The following ATM variants were observed in gnomAD, a reference collection of about 807,000 sequenced individuals.
The protein encoded by ATM is ATM serine/threonine kinase.
In ATM, 308 loss-of-function variants were observed where a neutral mutation model predicts 387.0. The ratio of observed to expected loss-of-function variants is 0.80; its 90% confidence interval spans 0.73 to 0.87. ATM has a LOEUF of 0.87. ATM is among the 40% of genes least tolerant of loss of function. ATM has a pLI of 0.00. For missense variants in ATM, 3,312 were observed against 3,560.9 expected (o/e 0.93, Z 1.78); for synonymous variants, 1,156 against 1,187.3 (o/e 0.97, Z 0.54).
At position 108,327,507 on chromosome 11, in the gene ATM, G is replaced by A. The variant is rs1362993757; in HGVS notation, c.6976-138G>A. ...TTATTAAAATAGTTGTATGGCAAAA[G>A]CAGATGAGGAAAAACTTTTTTTTTC... On this transcript the variant is annotated intron_variant, in intron 47 of 62. Transcript: ENST00000675843. The A allele has an allele frequency of 9.1e-6, 6 of 660,090 alleles. No homozygotes were observed. In the East Asian group the frequency reaches 1.4e-4, roughly 16 times the overall value. 40.9% of individuals were successfully genotyped at this position (660,090 alleles called of 1,614,324 possible). A position where few individuals can be genotyped will look rare whatever the true frequency, so the allele number is the denominator to read the frequency against.
chr11:108,305,879 A>T (rs2083665339), intron 37 of ATM, among the ~76,000 whole-genome samples: 1 of 152,148 alleles, frequency 6.6e-6, no homozygotes, highest in South Asian at 2.1e-4. Context: ...AACTGTCTTT[A>T]TTATATATTA....
intron 44 of ATM, among the ~76,000 whole-genome samples, chr11:108,320,799 C>T (rs1425021107): frequency 2.0e-5 from 3 of 152,170 alleles, no homozygotes; most frequent in Non-Finnish European, 2.9e-5. Context: ...TACTTTGACT[C>T]CTCAAAAGCT....
intron 5 of ATM, among the ~76,000 whole-genome samples, chr11:108,243,405 G>A (rs2079663889): frequency 6.6e-6 from 1 of 152,126 alleles, no homozygotes; most frequent in Admixed American, 6.6e-5. Context: ...TTGAGGCCAG[G>A]AGTTTGAGAC....
Position 108,271,309 on chromosome 11 carries a change from G to A in ATM, c.2980G>A (p.Val994Ile), listed in dbSNP as rs2135552703. The change falls in exon 20 of 63, where the codon GTC (valine) becomes ATC (isoleucine). Residue 994 changes from valine to isoleucine, a missense_variant. Val to Ile is a conservative substitution (Grantham distance 29). This residue lies in a region of ATM where 1,791 missense variants were observed against 1,804.5 expected (regional missense o/e 0.99). Transcript: ENST00000675843. ...QDVCKTILNH[V>I]LHVVKNLGQS... ...TGTTTGTAAAACTATTTTAAACCAT[G>A]TCCTTCATGTAGTGAAAAACCTAGG... 6.2e-7 allele frequency: 1 copy of A among 1,612,552 alleles called. No individual in the cohort carries two copies. Among genetic ancestry groups the A allele is most frequent in the Non-Finnish European group, 8.5e-7 (1 of 1,179,792 alleles).
At chr11:108,252,182 C>T (rs2080191560) in intron 11 of ATM, 151 bp downstream of exon 11, 1 of 751,684 alleles carries the variant, frequency 1.3e-6, no homozygotes, top group East Asian at 2.8e-5. Flanking sequence ...TTTGTTTTTA[C>T]AGTTATCTGT....
At position 108,345,687 on chromosome 11, in the gene ATM, ATTAGTT is replaced by A. The variant is rs561883630; in HGVS notation, c.8419-54_8419-49del. 2,840 of 1,331,208 alleles carry A rather than the reference ATTAGTT, an allele frequency of 2.1e-3. 5 individuals are homozygous for A. The highest frequency in any genetic ancestry group is 7.1e-3 in the Middle Eastern group (27 of 3,788). The allele number at this position is 1,331,208 out of a possible 1,614,324, so 82.5% of individuals were successfully genotyped here. A position where few individuals can be genotyped will look rare whatever the true frequency, so the allele number is the denominator to read the frequency against. ...CATATTTTTATATAAAAATGTGTATATTAGTTTAATTGAACACAATATTGAAAAATA... is the reference window on the plus strand; with the variant it reads ...CATATTTTTATATAAAAATGTGTATATAATTGAACACAATATTGAAAAATA... On this transcript the variant is annotated intron_variant, in intron 57 of 62. Coordinates refer to ENST00000675843, the MANE Select transcript of ATM (RefSeq NM_000051.4).
chr11:108,335,764 C>A, intron 55 of ATM, 81 bp from the exon 56 acceptor site: 1 of 1,081,590 alleles, frequency 9.2e-7, no homozygotes, highest in Non-Finnish European at 1.4e-6. Context: ...GGTTTGAGTG[C>A]CCTTTGCTAT....
chr11:108,339,101 G>A lies in ATM; in HGVS notation c.8268+3140G>A, dbSNP rs548821892. Among the ~76,000 whole-genome samples the A allele has an allele frequency of 2.0e-5, 3 of 152,280 alleles. No homozygotes were observed. The South Asian group carries it at 6.2e-4, about 32-fold the overall frequency. ...TTGTCAGAGAGAATCAGATGGAAAT[G>A]AAGACAGTTCTTATTGTGTATGTTG... On this transcript the variant is annotated intron_variant, in intron 56 of 62. Transcript: ENST00000675843.
intron 9 of ATM, among the ~76,000 whole-genome samples, chr11:108,250,298 A>G (rs1249374440): frequency 1.3e-5 from 2 of 152,004 alleles, no homozygotes; most frequent in African/African-American, 4.8e-5. Flanking sequence ...GATTCCAGGC[A>G]TGTGCCACCA....
At position 108,345,896 on chromosome 11, in the gene ATM, ACTT is replaced by A. The variant is rs786203976; in HGVS notation, c.8578_8580del (p.Ser2860del). 5 of 1,613,544 alleles carry A rather than the reference ACTT, an allele frequency of 3.1e-6. No homozygotes were observed. The highest frequency in any genetic ancestry group is 1.3e-5 in the African/African-American group (1 of 74,900). On this transcript the variant is annotated inframe_deletion, in exon 58 of 63. Coordinates refer to ENST00000675843, the MANE Select transcript of ATM (RefSeq NM_000051.4). ...ATTGGCTTATACGCGCAGTGTAGCT[ACTT>A]CTTCTATTGGTAATCTTCTTGTACA... is the stretch of plus-strand genomic sequence containing the variant.
intron 55 of ATM, among the ~76,000 whole-genome samples, chr11:108,335,488 C>A (rs1379963656): frequency 6.6e-6 from 1 of 152,052 alleles, no homozygotes; most frequent in Non-Finnish European, 1.5e-5. Flanking sequence ...ATTTAATGTA[C>A]CAAAAAGGGA....
intron 32 of ATM, 141 bp from the exon 33 acceptor site, chr11:108,297,145 AT>A: frequency 1.5e-6 from 1 of 647,044 alleles, no homozygotes; most frequent in Non-Finnish European, 2.7e-6. Context: ...TTCCCTACAT[AT>A]TTTTTGAGCT....
At chr11:108,297,902 T>G (rs2083211308) in intron 33 of ATM, among the ~76,000 whole-genome samples, 1 of 152,188 alleles carries the variant, frequency 6.6e-6, no homozygotes, top group African/African-American at 2.4e-5. Context: ...TGAAAATGCC[T>G]TGTAAATATT....
intron 57 of ATM, among the ~76,000 whole-genome samples, chr11:108,343,659 C>T (rs2087893647): frequency 6.6e-6 from 1 of 152,088 alleles, no homozygotes. Context: ...AAACAAAACA[C>T]TAAAATGCCA....
rs59043120 is a variant in ATM, at chr11:108,277,111, GC to G, written c.3285-2379del. ...GCAGTCTGGCTACAGTGGCTTTGTGGCACTATGTTGGGCTCCACCCAGTTCG... is the reference window on the plus strand; with the variant it reads ...GCAGTCTGGCTACAGTGGCTTTGTGGACTATGTTGGGCTCCACCCAGTTCG... On this transcript the variant is annotated intron_variant, in intron 22 of 62. Transcript: ENST00000675843. Among the ~76,000 whole-genome samples the G allele has an allele frequency of 5.9e-3, 896 of 152,240 alleles. 9 individuals carry two copies. Among genetic ancestry groups the G allele is most frequent in the African/African-American group, 0.018 (729 of 41,552 alleles).
At chr11:108,272,962 A>C (rs2081681406) in intron 22 of ATM, 110 bp downstream of exon 22, 2 of 1,358,000 alleles carry the variant, frequency 1.5e-6, no homozygotes, top group Admixed American at 1.7e-5. Flanking sequence ...ACACTTGTTG[A>C]GTATATACGG....
Position 108,251,092 on chromosome 11 carries a change from T to G in ATM, c.1607+20T>G. 1 of 1,613,770 alleles carries G rather than the reference T, an allele frequency of 6.2e-7. No homozygotes were observed. The highest frequency in any genetic ancestry group is 8.5e-7 in the Non-Finnish European group (1 of 1,179,986). On this transcript the variant is annotated intron_variant, in intron 10 of 62. Transcript: ENST00000675843. The stretch of plus-strand genomic sequence containing the variant: ...TTCATGGTAAGTTCAGCATGCATTA[T>G]GTCTGACTTACAGATAAACACACAC...
rs1238547320 is a variant in ATM at position 108,297,270 on chromosome 11, T to G, written c.4910-17T>G. 1.2e-6 allele frequency: 2 copies of G among 1,607,476 alleles called. No homozygotes were observed. The highest frequency in any genetic ancestry group is 1.7e-6 in the Non-Finnish European group (2 of 1,174,840). ...CTTCATGCTAGTTTAAACTAATTTT[T>G]AAAAAATTATTTCTAGATAATCCGC... On this transcript the variant is annotated splice_polypyrimidine_tract_variant and intron_variant, in intron 32 of 62. Coordinates refer to ENST00000675843, the MANE Select transcript of ATM (RefSeq NM_000051.4).
chr11:108,325,621 A>G (rs2085595993), intron 46 of ATM, 77 bp downstream of exon 46: 2 of 1,223,602 alleles, frequency 1.6e-6, no homozygotes, highest in Admixed American at 3.7e-5. Context: ...AGCCTGAGGG[A>G]AAAAGAAATG....
Sources: allele counts gnomAD v4.1 joint callset (sites outside exome capture counted in the v4.1 genomes callset), GRCh38; gene constraint gnomAD v4.1.1; regional missense constraint gnomAD v4.1.1; transcripts MANE v1.5; gene names NCBI Gene and HGNC (gene_info 2026-07-23, HGNC 2026-07-21).